The following CASQ1 variants were observed in gnomAD, a reference collection of about 807,000 sequenced individuals.
The protein encoded by CASQ1 is calsequestrin 1, also known as calsequestrin-1.
A neutral mutation model predicts 49.5 loss-of-function variants in CASQ1; 40 were observed. The observed-to-expected ratio is 0.81, with a 90% CI of 0.63 to 1.05. The LOEUF (loss-of-function observed/expected upper bound fraction) is 1.05. Among genes scored for constraint, CASQ1 ranks in the 50% least tolerant of loss-of-function variants. The pLI is 0.00. For synonymous variants in CASQ1, 174 were observed against 187.2 expected, an observed-to-expected ratio of 0.93 and a Z score of 0.58; for missense variants, 469 against 486.9, an observed-to-expected ratio of 0.96 and a Z score of 0.35.
chr1:160,199,084 T>A, intron 9 of CASQ1, 31 bp downstream of exon 9: 1 of 1,287,900 alleles, frequency 7.8e-7, no homozygotes, highest in Non-Finnish European at 1.1e-6. Flanking sequence ...ACTGCTATCT[T>A]AAGGTGGGGC....
Position 160,201,337 on chromosome 1 carries a change from G to A in CASQ1, c.1152G>A (p.Glu384=), listed in dbSNP as rs1245555637. The change falls in exon 11 of 11, where the codon GAG becomes GAA. Residue 384 remains glutamate (E), a synonymous_variant. Transcript: ENST00000368078. ...GGCTGGAGGATGTCCTGGAGGGCGA[G>A]ATCAACACAGAGGACGATGACGATG... The part of the protein sequence containing the change: ...EDWLEDVLEG[E]INTEDDDDDD... 1 of 1,613,898 alleles carries A rather than the reference G, an allele frequency of 6.2e-7. No homozygotes were observed. Among genetic ancestry groups the A allele is most frequent in the Non-Finnish European group, 8.5e-7 (1 of 1,179,928 alleles).
intron 6 of CASQ1, 99 bp downstream of exon 6, chr1:160,196,126 C>G: frequency 8.3e-7 from 1 of 1,207,944 alleles, no homozygotes; most frequent in Non-Finnish European, 1.2e-6. Context: ...AACCGGGAAG[C>G]CAATCTTGCC....
chr1:160,192,299 C>T (rs1654096862), intron 1 of CASQ1, among the ~76,000 whole-genome samples: 1 of 152,196 alleles, frequency 6.6e-6, no homozygotes, highest in Non-Finnish European at 1.5e-5. Flanking sequence ...TCCCCAACTC[C>T]TCAACAACAT....
chr1:160,192,280 C>T (rs1261477239), intron 1 of CASQ1, among the ~76,000 whole-genome samples: 1 of 152,178 alleles, frequency 6.6e-6, no homozygotes, highest in Non-Finnish European at 1.5e-5. Context: ...TATCTCAGCT[C>T]TCTGGCCTTC....
chr1:160,194,903 G>C, intron 3 of CASQ1, 109 bp from the exon 4 acceptor site: 5 of 645,594 alleles, frequency 7.7e-6, no homozygotes, highest in Admixed American at 2.8e-5. Context: ...CCCACACACT[G>C]TCAACATCTA....
intron 1 of CASQ1, among the ~76,000 whole-genome samples, chr1:160,191,491 A>T (rs1481794573): frequency 6.6e-6 from 1 of 152,164 alleles, no homozygotes; most frequent in Non-Finnish European, 1.5e-5. Flanking sequence ...AAATGTTATG[A>T]TACTTGCATG....
Position 160,193,046 on chromosome 1 carries a change from G to A in CASQ1, c.364+160G>A, listed in dbSNP as rs375603310. Among the ~76,000 whole-genome samples the A allele has an allele frequency of 3.2e-4, 49 of 152,258 alleles. 1 individual carries two copies. The East Asian group carries it at 8.9e-3, about 28-fold the overall frequency. ...GGGGTGAGAAAATATGAGGTTGGGA[G>A]GGTTATGGCTCGGAGACTCTGCCTC... On this transcript the variant is annotated intron_variant, in intron 2 of 10. Transcript: ENST00000368078.
At chr1:160,196,650 A>G (rs930638943) in intron 6 of CASQ1, among the ~76,000 whole-genome samples, 1 of 151,808 alleles carries the variant, frequency 6.6e-6, no homozygotes, top group Non-Finnish European at 1.5e-5. Flanking sequence ...TAATTTTTGT[A>G]TTTTTAGTAG....
chr1:160,195,653 C>CCG lies in CASQ1; in HGVS notation c.651+120_651+121insGC, dbSNP rs1553192590. On this transcript the variant is annotated intron_variant, in intron 5 of 10. Coordinates refer to ENST00000368078, the MANE Select transcript of CASQ1 (RefSeq NM_001231.5). ...CCTACGTGCTGGCACTCCCTACCTG[C>CCG]CCCCCCCCCCGGCTCCTCCCACTCC... is the stretch of plus-strand genomic sequence containing the variant. 6 of 613,248 alleles carry CCG rather than the reference C, an allele frequency of 9.8e-6. No homozygotes were observed. The African/African-American group carries it at 1.9e-4, about 20-fold the overall frequency. The allele number at this position is 613,248 out of a possible 1,614,324, so 38.0% of individuals were successfully genotyped here.
At chr1:160,195,635 GCTGGCACTCCCTAC>G (rs748588516) in intron 5 of CASQ1, 101 bp downstream of exon 5, 8 of 1,078,898 alleles carry the variant, frequency 7.4e-6, no homozygotes, top group African/African-American at 1.6e-5. Context: ...CTTCCTACGT[GCTGGCACTCCCTAC>G]CTGCCCCCCC....
chr1:160,197,354 C>T (rs554008027), intron 6 of CASQ1, among the ~76,000 whole-genome samples: 7 of 152,300 alleles, frequency 4.6e-5, no homozygotes, highest in African/African-American at 1.2e-4. Context: ...GTCTCTCTTC[C>T]AGTCCCTTTG....
chr1:160,191,297 G>A (rs907710340), intron 1 of CASQ1, among the ~76,000 whole-genome samples: 1 of 152,124 alleles, frequency 6.6e-6, no homozygotes, highest in African/African-American at 2.4e-5. Flanking sequence ...ATAGGAGGCT[G>A]GTAGTATTTG....
At position 160,201,521 on chromosome 1, in the gene CASQ1, C is replaced by T; in HGVS notation, c.*145C>T. The T allele has an allele frequency of 1.3e-6, 1 of 780,860 alleles. No homozygotes were observed. The highest frequency in any genetic ancestry group is 2.1e-6 in the Non-Finnish European group (1 of 479,884). The allele number at this position is 780,860 out of a possible 1,614,324, so 48.4% of individuals were successfully genotyped here. On this transcript the variant is annotated 3_prime_UTR_variant, in exon 11 of 11. Transcript: ENST00000368078. ...GGTCTATATGCTGGGTGCTGAGACA[C>T]TGATCCCCCTCATTTGATGAGCAAA...
At chr1:160,195,595 C>T in intron 5 of CASQ1, 61 bp downstream of exon 5, 1 of 1,510,296 alleles carries the variant, frequency 6.6e-7, no homozygotes, top group Non-Finnish European at 9.2e-7. Flanking sequence ...CTCCAGTTTC[C>T]TCTCCCAGAA....
At position 160,200,408 on chromosome 1, in the gene CASQ1, C is replaced by T. The variant is rs145071962; in HGVS notation, c.1059+483C>T. Among the ~76,000 whole-genome samples, 45 of 152,082 alleles carry T rather than the reference C, an allele frequency of 3.0e-4. No homozygotes were observed. In the East Asian group the frequency reaches 8.7e-3, roughly 29 times the overall value. Reference sequence around the variant, plus strand: ...CAGACTAATTAGAGAGGCAAGTGTTCCATTAACTACAAGGCCAGATCTGAT... The same window carrying T: ...CAGACTAATTAGAGAGGCAAGTGTTTCATTAACTACAAGGCCAGATCTGAT... On this transcript the variant is annotated intron_variant, in intron 10 of 10. Transcript: ENST00000368078.
intron 6 of CASQ1, 105 bp from the exon 7 acceptor site, chr1:160,197,464 G>C (rs1322894923): frequency 2.4e-6 from 2 of 818,376 alleles, no homozygotes; most frequent in Admixed American, 1.8e-5. Flanking sequence ...GCTACAAGCT[G>C]TCTGTGCCCT....
Position 160,201,480 on chromosome 1 carries a change from C to A in CASQ1, c.*104C>A. On this transcript the variant is annotated 3_prime_UTR_variant, in exon 11 of 11. Transcript: ENST00000368078. ...TCCAGGGAGACTAGGTTATTCTCTG[C>A]CATAGAGCTAACTGGGGTCTATATG... The A allele has an allele frequency of 7.9e-7, 1 of 1,261,130 alleles. No individual in the cohort carries two copies. The highest frequency in any genetic ancestry group is 1.1e-6 in the Non-Finnish European group (1 of 894,592). The allele number at this position is 1,261,130 out of a possible 1,614,324, so 78.1% of individuals were successfully genotyped here. A position where few individuals can be genotyped will look rare whatever the true frequency, so the allele number is the denominator to read the frequency against.
chr1:160,198,379 C>T (rs898552410), intron 7 of CASQ1: 6 of 256,770 alleles, frequency 2.3e-5, no homozygotes, highest in Non-Finnish European at 3.8e-5. Flanking sequence ...TGGCGCATGG[C>T]TGTAATCCCA....
intron 8 of CASQ1, 60 bp downstream of exon 8, chr1:160,198,791 T>C: frequency 6.8e-7 from 1 of 1,476,112 alleles, no homozygotes. Flanking sequence ...GTGTGTTTAT[T>C]GGAGCATGGG....
Sources: allele counts gnomAD v4.1 joint callset (sites outside exome capture counted in the v4.1 genomes callset), GRCh38; gene constraint gnomAD v4.1.1; transcripts MANE v1.5; gene names NCBI Gene and HGNC (gene_info 2026-07-23, HGNC 2026-07-21).